Variants in ABCC5 observed in about 807,000 individuals in gnomAD.
ABCC5 encodes the protein ATP binding cassette subfamily C member 5.
Under a neutral mutation model 160.9 loss-of-function variants are expected in ABCC5, and 61 were observed. The ratio of observed to expected loss-of-function variants is 0.38; its 90% confidence interval spans 0.31 to 0.47. ABCC5 has a LOEUF of 0.47. Among genes scored for constraint, ABCC5 ranks in the 20% least tolerant of loss-of-function variants. The pLI is 0.99. For missense variants in ABCC5, 1,308 were observed against 1,813.3 expected (o/e 0.72, Z 5.06); for synonymous variants, 666 against 700.6 (o/e 0.95, Z 0.78).
At chr3:183,994,733 T>C (rs1173001927) in intron 2 of ABCC5, among the ~76,000 whole-genome samples, 1 of 152,202 alleles carries the variant, frequency 6.6e-6, no homozygotes, top group Non-Finnish European at 1.5e-5. Context: ...TATCTTATTG[T>C]GGTTTTAATT....
At chr3:183,939,242 G>A (rs556635540) in intron 25 of ABCC5, among the ~76,000 whole-genome samples, 123 of 152,270 alleles carry the variant, frequency 8.1e-4, no homozygotes, top group Non-Finnish European at 1.5e-3. Flanking sequence ...AGACCAACCT[G>A]GCCAACATGG....
intron 29 of ABCC5, 152 bp downstream of exon 29, chr3:183,925,403 G>A (rs1712436813): frequency 4.5e-6 from 3 of 671,562 alleles, no homozygotes; most frequent in Non-Finnish European, 7.1e-6. Flanking sequence ...GTGATTCGGA[G>A]GCTGTATCCC....
rs1013731925 is a variant in ABCC5 at position 183,987,569 on chromosome 3, C to T, written c.591+201G>A. 24 of 688,964 alleles carry T rather than the reference C, an allele frequency of 3.5e-5. No homozygotes were observed. The Admixed American group carries it at 5.5e-4, about 16-fold the overall frequency. The allele number at this position is 688,964 out of a possible 1,614,324, so 42.7% of individuals were successfully genotyped here. A position where few individuals can be genotyped will look rare whatever the true frequency, so the allele number is the denominator to read the frequency against. ...CCCCCACCCAGAAATCAAGCCAGTT[C>T]CATTTCTTCTCTGGCAACACTGCCC... On this transcript the variant is annotated intron_variant, in intron 5 of 29. Coordinates refer to ENST00000334444, the MANE Select transcript of ABCC5 (RefSeq NM_005688.4). The surrounding 1 kb of genome is among the most constrained non-coding windows in gnomAD (Gnocchi z 4.2).
At chr3:183,977,720 G>A (rs116583553) in intron 9 of ABCC5, 96 bp from the exon 10 acceptor site, 27,020 of 781,728 alleles carry the variant, frequency 0.035, 591 homozygotes, top group Non-Finnish European at 0.044. Flanking sequence ...TAGGAAGGCT[G>A]CAACTTCACG....
intron 12 of ABCC5, 73 bp downstream of exon 12, chr3:183,967,622 A>C: frequency 7.5e-7 from 1 of 1,332,964 alleles, no homozygotes; most frequent in Non-Finnish European, 1.1e-6. Flanking sequence ...CTCTCCAGGA[A>C]ATTTGTTCGT....
chr3:183,935,781 C>T (rs1172322435), intron 26 of ABCC5, among the ~76,000 whole-genome samples: 2 of 152,118 alleles, frequency 1.3e-5, no homozygotes, highest in African/African-American at 4.8e-5. Flanking sequence ...GCATTACAGG[C>T]GTGAGCCACC....
At chr3:183,967,811 C>G (rs758114896) in intron 11 of ABCC5, 45 bp from the exon 12 acceptor site, 18 of 1,450,104 alleles carry the variant, frequency 1.2e-5, no homozygotes, top group South Asian at 1.1e-4. Flanking sequence ...AGACTACTAA[C>G]CACTCATCGC....
At position 183,976,711 on chromosome 3, in the gene ABCC5, A is replaced by C. The variant is rs182258319; in HGVS notation, c.1404+806T>G. ...AGATGATTATATTCATCCCTCAAAC[A>C]TGTGAGCTTCAAGCCTTCACATCAC... is the stretch of plus-strand genomic sequence containing the variant. On this transcript the variant is annotated intron_variant, in intron 10 of 29. Transcript: ENST00000334444. 3.9e-5 allele frequency among the ~76,000 whole-genome samples: 6 copies of C among 152,310 alleles called. No individual in the cohort carries two copies. The East Asian group carries it at 7.7e-4, about 20-fold the overall frequency.
Position 183,988,744 on chromosome 3 carries a change from G to A in ABCC5, c.288-17C>T, listed in dbSNP as rs376554792. 24 of 1,610,594 alleles carry A rather than the reference G, an allele frequency of 1.5e-5. No homozygotes were observed. Among genetic ancestry groups the A allele is most frequent in the East Asian group, 1.1e-4 (5 of 44,854 alleles). ...TGCTGGTGTCTAAGGAGAGAAAACC[G>A]AAATCACAAAGCTATCAACACGCAC... On this transcript the variant is annotated splice_polypyrimidine_tract_variant and intron_variant, in intron 3 of 29. Transcript: ENST00000334444. This position sits in a 1 kb window ranked among gnomAD's most constrained non-coding sequence, Gnocchi z 4.4.
chr3:183,995,730 C>T (rs930612290), intron 2 of ABCC5, among the ~76,000 whole-genome samples: 1 of 152,162 alleles, frequency 6.6e-6, no homozygotes, highest in East Asian at 1.9e-4. Context: ...TTTATCCTTC[C>T]TTTTCAAAAT....
chr3:184,002,793 G>A (rs1358873952), intron 2 of ABCC5, among the ~76,000 whole-genome samples: 2 of 152,172 alleles, frequency 1.3e-5, no homozygotes, highest in Non-Finnish European at 2.9e-5. Flanking sequence ...CCTGGAGGCC[G>A]GACAACAGCA....
At chr3:183,991,413 A>T (rs1576912639) in intron 2 of ABCC5, among the ~76,000 whole-genome samples, 2 of 152,242 alleles carry the variant, frequency 1.3e-5, no homozygotes, top group East Asian at 3.8e-4. Flanking sequence ...AGCCTTATAC[A>T]AAGCAGTTGA....
intron 10 of ABCC5, among the ~76,000 whole-genome samples, chr3:183,975,420 C>T (rs370054333): frequency 5.9e-5 from 9 of 152,084 alleles, no homozygotes; most frequent in Admixed American, 2.6e-4. Flanking sequence ...CGACTCATGG[C>T]AACCCCTACC....
At chr3:183,950,214 C>T in intron 20 of ABCC5, 89 bp from the exon 21 acceptor site, 1 of 1,399,714 alleles carries the variant, frequency 7.1e-7, no homozygotes, top group Non-Finnish European at 9.6e-7. Context: ...TCCACAAACT[C>T]TCTATCTGAA....
intron 29 of ABCC5, among the ~76,000 whole-genome samples, chr3:183,924,995 C>T (rs528062268): frequency 5.9e-5 from 9 of 152,274 alleles, no homozygotes; most frequent in South Asian, 4.1e-4. Context: ...TATAGCCAAC[C>T]GCACCTGCAA....
intron 9 of ABCC5, 23 bp from the exon 10 acceptor site, chr3:183,977,647 A>T (rs1282454945): frequency 6.4e-7 from 1 of 1,567,450 alleles, no homozygotes; most frequent in East Asian, 2.2e-5. Context: ...GAAGAGAAGA[A>T]ACTGTGCCTA....
intron 16 of ABCC5, 95 bp downstream of exon 16, chr3:183,961,414 GAC>G (rs2108817276): frequency 6.9e-7 from 1 of 1,455,944 alleles, no homozygotes; most frequent in East Asian, 2.4e-5. Context: ...ATAAGACACA[GAC>G]ACTGGATTCA....
intron 11 of ABCC5, among the ~76,000 whole-genome samples, chr3:183,971,075 A>G (rs1264270359): frequency 6.6e-6 from 1 of 152,166 alleles, no homozygotes; most frequent in Non-Finnish European, 1.5e-5. Flanking sequence ...GCCCTCTGAG[A>G]CTAATCTTGT....
intron 24 of ABCC5, 21 bp from the exon 25 acceptor site, chr3:183,942,937 A>C: frequency 6.3e-7 from 1 of 1,587,238 alleles, no homozygotes; most frequent in Non-Finnish European, 8.6e-7. Context: ...AAGGGTGGCC[A>C]GTTCAGACTG....
Sources: allele counts gnomAD v4.1 joint callset (sites outside exome capture counted in the v4.1 genomes callset), GRCh38; gene constraint gnomAD v4.1.1; non-coding constraint Gnocchi (gnomAD v3.1); transcripts MANE v1.5; gene names NCBI Gene and HGNC (gene_info 2026-07-23, HGNC 2026-07-21).